The following NKTR variants were observed in gnomAD, a reference collection of about 807,000 sequenced individuals.
The protein encoded by NKTR is NK-tumor recognition protein.
A neutral mutation model predicts 156.3 loss-of-function variants in NKTR; 67 were observed. That is an observed-to-expected ratio of 0.43 (90% CI 0.35 to 0.53). The LOEUF (loss-of-function observed/expected upper bound fraction) is 0.53, where lower values mean the gene tolerates loss of function less well. Ranked by LOEUF, NKTR falls within the 20% of genes least tolerant of loss-of-function variation. The probability of loss-of-function intolerance (pLI) is 0.01; values close to 1 mark genes in which losing one functional copy is unlikely to be tolerated. For synonymous variants in NKTR, 640 were observed against 596.6 expected, an observed-to-expected ratio of 1.07 and a Z score of -1.06; for missense variants, 1,604 against 1,730.9, an observed-to-expected ratio of 0.93 and a Z score of 1.30.
chr3:42,602,058 T>C, intron 2 of NKTR: 1 of 152,210 alleles, frequency 6.6e-6, no homozygotes, highest in East Asian at 1.9e-4. Context: ...GTGAGCCGTA[T>C]TTAAGAAGAG....
chr3:42,636,962 A>T lies in NKTR; in HGVS notation c.1258A>T (p.Thr420Ser). The T allele has an allele frequency of 6.2e-7, 1 of 1,611,248 alleles. No individual in the cohort carries two copies. Among genetic ancestry groups the T allele is most frequent in the Non-Finnish European group, 8.5e-7 (1 of 1,179,350 alleles). The change falls in exon 13 of 17, where the codon ACA (threonine) becomes TCA (serine). Residue 420 changes from threonine (T) to serine (S), a missense_variant. Physicochemically the swap from Thr to Ser is moderately conservative, Grantham distance 58. Coordinates refer to ENST00000232978, the MANE Select transcript of NKTR (RefSeq NM_005385.4). ...SYNGYYSDLSTARHSGHHKKR... is the reference protein window; with the variant it reads ...SYNGYYSDLSSARHSGHHKKR... ...TAATGGATATTATTCAGACCTTAGT[A>T]CAGCAAGACACTCTGGCCACCATAA...
chr3:42,620,071 A>G, intron 5 of NKTR: 1 of 1,533,290 alleles, frequency 6.5e-7, no homozygotes, highest in Non-Finnish European at 8.7e-7. Context: ...AGTAACACAA[A>G]CTCCAATTCT....
Position 42,633,240 on chromosome 3 carries a change from CTA to C in NKTR, c.774-338_774-337del, listed in dbSNP as rs1242227035. 32 of 546,200 alleles carry C rather than the reference CTA, an allele frequency of 5.9e-5. No homozygotes were observed. In the South Asian group the frequency reaches 1.4e-3, roughly 25 times the overall value. The allele number at this position is 546,200 out of a possible 1,614,324, so 33.8% of individuals were successfully genotyped here. On this transcript the variant is annotated intron_variant, in intron 9 of 16. Coordinates refer to ENST00000232978, the MANE Select transcript of NKTR (RefSeq NM_005385.4). ...TTTTTTGTAGAGACAGGGTCTTCCG[CTA>C]TGTTGACCAGGCTGGTCTCTGACTC...
intron 9 of NKTR, chr3:42,633,281 A>G (rs377672598): frequency 1.5e-5 from 13 of 857,742 alleles, no homozygotes; most frequent in Admixed American, 4.7e-5. Flanking sequence ...TCCTCAAGCA[A>G]TCCTCCCACC....
At chr3:42,633,396 AATTCTAGTCTTTG>A in intron 9 of NKTR, 171 bp from the exon 10 acceptor site, 2 of 1,365,888 alleles carry the variant, frequency 1.5e-6, no homozygotes, top group African/African-American at 3.0e-5. Context: ...TTCCTATCAA[AATTCTAGTCTTTG>A]GGTTTTTCAC....
At chr3:42,620,317 C>T in intron 5 of NKTR, 1 of 1,181,518 alleles carries the variant, frequency 8.5e-7, no homozygotes, top group East Asian at 3.8e-5. Flanking sequence ...TTTCGTTTTT[C>T]AAAGGTTTGT....
rs1463832747 is a variant in NKTR, at chr3:42,645,915, T to G, written c.4329T>G (p.Ser1443Arg). ...SRSCRSYGSD[S>R]ESDRSYSHHR... ...GTTGTAGATCTTATGGCTCTGACAG[T>G]GAAAGTGACCGAAGTTACTCTCATC... Residue 1443 changes from serine (S) to arginine (R), a missense_variant, in exon 17 of 17, where the codon AGT becomes AGG. This residue lies in a region of NKTR where 193 missense variants were observed against 220.2 expected (regional missense o/e 0.88). Transcript: ENST00000232978. The G allele has an allele frequency of 6.2e-7, 1 of 1,613,462 alleles. No individual in the cohort carries two copies. The highest frequency in any genetic ancestry group is 1.7e-5 in the Admixed American group (1 of 59,994).
At chr3:42,624,328 ACC>A (rs1276237400) in intron 6 of NKTR, among the ~76,000 whole-genome samples, 1 of 151,872 alleles carries the variant, frequency 6.6e-6, no homozygotes, top group Non-Finnish European at 1.5e-5. Flanking sequence ...ATGGCACTAT[ACC>A]CATGAATCAC....
Position 42,643,915 on chromosome 3 carries a change from G to C in NKTR, c.4213G>C (p.Asp1405His). The change falls in exon 16 of 17, where the codon GAT becomes CAT. Residue 1405 changes from aspartate to histidine, a missense_variant. This residue lies in a region of NKTR where 193 missense variants were observed against 220.2 expected (regional missense o/e 0.88). Transcript: ENST00000232978. ...CCGTTAAAGCAGGTCCTACACCTAC[G>C]ATAGCTACTATAGCAGGAGTCGGAG... ...PHSRSRSYTY[D>H]SYYSRSRSRS... 1 of 1,613,430 alleles carries C rather than the reference G, an allele frequency of 6.2e-7. No homozygotes were observed. The highest frequency in any genetic ancestry group is 1.3e-5 in the African/African-American group (1 of 74,988).
Position 42,628,427 on chromosome 3 carries a change from C to T in NKTR, c.375-2119C>T, listed in dbSNP as rs759013381. ...AGTCTCAAGTAGTATGTTGCTGCAT[C>T]GCTACACTACTCTGGAATGTTTTAT... On this transcript the variant is annotated intron_variant, in intron 6 of 16. Coordinates refer to ENST00000232978, the MANE Select transcript of NKTR (RefSeq NM_005385.4). 2.1e-5 allele frequency: 21 copies of T among 985,348 alleles called. No individual in the cohort carries two copies. The East Asian group carries it at 1.0e-3, about 48-fold the overall frequency. The allele number at this position is 985,348 out of a possible 1,614,324, so 61.0% of individuals were successfully genotyped here.
At chr3:42,620,577 T>C (rs1707817839) in intron 5 of NKTR, 1 of 985,078 alleles carries the variant, frequency 1.0e-6, no homozygotes, top group Non-Finnish European at 1.2e-6. Flanking sequence ...GTAATCACTT[T>C]TTAAAGTTTT....
chr3:42,619,553 C>T, intron 4 of NKTR, 111 bp from the exon 5 acceptor site: 2 of 1,542,420 alleles, frequency 1.3e-6, no homozygotes, highest in Non-Finnish European at 1.7e-6. Context: ...ATTATTGCAG[C>T]AGTTATAACA....
At chr3:42,606,826 A>G (rs1706279606) in intron 2 of NKTR, among the ~76,000 whole-genome samples, 1 of 152,110 alleles carries the variant, frequency 6.6e-6, no homozygotes, top group Non-Finnish European at 1.5e-5. Context: ...AGCCTGGGCA[A>G]CATAGTGAGA....
At chr3:42,643,737 G>C (rs1325728842) in intron 15 of NKTR, 165 bp from the exon 16 acceptor site, 2 of 686,044 alleles carry the variant, frequency 2.9e-6, no homozygotes, top group South Asian at 3.2e-5. Context: ...GTCTCATTTG[G>C]GGCAATTGTT....
intron 4 of NKTR, 134 bp from the exon 5 acceptor site, chr3:42,619,530 T>C (rs1392709644): frequency 4.6e-6 from 7 of 1,516,466 alleles, no homozygotes; most frequent in Non-Finnish European, 5.3e-6. Flanking sequence ...AATTGAGGAC[T>C]CTGAGAATTT....
chr3:42,624,452 G>T (rs1293487764), intron 6 of NKTR, among the ~76,000 whole-genome samples: 1 of 151,238 alleles, frequency 6.6e-6, no homozygotes, highest in East Asian at 1.9e-4. Flanking sequence ...TTATTTTTTA[G>T]GTTAAAGAAT....
chr3:42,620,661 A>G (rs1707826191), intron 5 of NKTR: 2 of 983,952 alleles, frequency 2.0e-6, no homozygotes, highest in Non-Finnish European at 2.4e-6. Flanking sequence ...GTTTTCAAGG[A>G]TATTCCTGCT....
intron 7 of NKTR, 93 bp downstream of exon 7, chr3:42,630,668 C>G (rs1166082904): frequency 6.3e-7 from 1 of 1,575,758 alleles, no homozygotes; most frequent in Non-Finnish European, 8.6e-7. Context: ...AGGGAGCGCT[C>G]TTGATGTCTG....
chr3:42,634,097 T>A (rs1301368809), intron 10 of NKTR, among the ~76,000 whole-genome samples: 1 of 152,200 alleles, frequency 6.6e-6, no homozygotes, highest in Non-Finnish European at 1.5e-5. Context: ...ATTCTTTGGA[T>A]CCATTTGAGT....
Sources: gnomAD v4.1 joint callset for allele counts (sites outside exome capture counted in the v4.1 genomes callset) on GRCh38, gnomAD v4.1.1 for gene constraint, gnomAD v4.1.1 regional missense constraint, MANE v1.5 for transcripts, NCBI Gene and HGNC (gene_info 2026-07-23, HGNC 2026-07-21) for gene names.